The following SP6 variants were observed in gnomAD, a reference collection of about 807,000 sequenced individuals.
SP6 encodes transcription factor Sp6.
SP6 carries 10 observed loss-of-function variants against 23.4 expected under a neutral mutation model. The ratio of observed to expected loss-of-function variants is 0.43; its 90% CI spans 0.26 to 0.72. The LOEUF (loss-of-function observed/expected upper bound fraction) is 0.72, where lower values mean the gene tolerates loss of function less well. Among genes scored for constraint, SP6 ranks in the 30% least tolerant of loss-of-function variants. The pLI is 0.23. For synonymous variants in SP6, 238 were observed against 238.7 expected, an observed-to-expected ratio of 1.00 and a Z score of 0.03; for missense variants, 482 against 523.8, an observed-to-expected ratio of 0.92 and a Z score of 0.78.
upstream of SP6, among the ~76,000 whole-genome samples, chr17:47,858,253 T>C (rs868818502): frequency 2.2e-4 from 33 of 151,916 alleles, 1 homozygote; most frequent in African/African-American, 9.7e-5. Context: ...CCCCTAAAGA[T>C]CCCAGGGCTC....
Position 47,847,078 on chromosome 17 carries a change from A to C in SP6, c.*221T>G. The stretch of plus-strand genomic sequence containing the variant: ...GTGAGGCAGGGGAGAACAGAGGGGC[A>C]TTGCGCAGCTCCTACCGACCCAGTC... On this transcript the variant is annotated 3_prime_UTR_variant, in exon 2 of 2. Coordinates refer to ENST00000536300, the MANE Select transcript of SP6 (RefSeq NM_001258248.2). 5.2e-6 allele frequency: 3 copies of C among 571,884 alleles called. No homozygotes were observed. The highest frequency in any genetic ancestry group is 9.2e-6 in the Non-Finnish European group (3 of 326,342). The allele number at this position is 571,884 out of a possible 1,614,324, so 35.4% of individuals were successfully genotyped here.
the SP6 span, among the ~76,000 whole-genome samples, chr17:47,871,807 G>C: frequency 6.6e-6 from 1 of 152,086 alleles, no homozygotes; most frequent in Non-Finnish European, 1.5e-5. Flanking sequence ...TTTTAGTAGA[G>C]ACGGGGTTTC....
At chr17:47,849,617 C>T (rs974424791) in intron 1 of SP6, among the ~76,000 whole-genome samples, 10 of 152,212 alleles carry the variant, frequency 6.6e-5, no homozygotes, top group African/African-American at 2.4e-4. Context: ...GACTGAATGA[C>T]TTGGCACAGT....
At chr17:47,858,929 C>T (rs2034016924), upstream of SP6, among the ~76,000 whole-genome samples, 1 of 152,022 alleles carries the variant, frequency 6.6e-6, no homozygotes, top group Admixed American at 6.6e-5. Context: ...CACCCACCAT[C>T]ATGCCTGGCT....
the SP6 span, among the ~76,000 whole-genome samples, chr17:47,862,692 AAGATTCGT>A: frequency 6.6e-6 from 1 of 152,192 alleles, no homozygotes; most frequent in Non-Finnish European, 1.5e-5. Flanking sequence ...TCAGAAAACC[AAGATTCGT>A]AGAGGGGAAA....
At position 47,845,079 on chromosome 17, in the gene SP6, G is replaced by A. The variant is rs978852468; in HGVS notation, c.*2220C>T. 6.6e-6 allele frequency: 1 copy of A among 152,272 alleles called. No individual in the cohort carries two copies. Among genetic ancestry groups the A allele is most frequent in the Non-Finnish European group, 1.5e-5 (1 of 68,044 alleles). The allele number at this position is 152,272 out of a possible 1,614,324, so 9.4% of individuals were successfully genotyped here. A position where few individuals can be genotyped will look rare whatever the true frequency, so the allele number is the denominator to read the frequency against. On this transcript the variant is annotated 3_prime_UTR_variant, in exon 2 of 2. Transcript: ENST00000536300. ...CAAGCAGCCTAGATCTATAAAAGAG[G>A]GGAGCAGAAGAAAACCTATCCAAAG...
chr17:47,865,575 A>C, the SP6 span, among the ~76,000 whole-genome samples: 1 of 152,154 alleles, frequency 6.6e-6, no homozygotes, highest in Non-Finnish European at 1.5e-5. Context: ...AGGCCCAGAG[A>C]AGTTAAGAGA....
upstream of SP6, among the ~76,000 whole-genome samples, chr17:47,858,767 CTTTTTTTTTTTT>C (rs36092685): frequency 2.1e-4 from 19 of 92,664 alleles, no homozygotes; most frequent in Non-Finnish European, 1.4e-4. Context: ...GATGAAGCAT[CTTTTTTTTTTTT>C]TTTTTTTTTT....
chr17:47,848,578 A>G lies in SP6; in HGVS notation c.-57-92T>C. 1.4e-6 allele frequency: 1 copy of G among 689,660 alleles called. No homozygotes were observed. Among genetic ancestry groups the G allele is most frequent in the Non-Finnish European group, 2.4e-6 (1 of 416,104 alleles). The allele number at this position is 689,660 out of a possible 1,614,324, so 42.7% of individuals were successfully genotyped here. On this transcript the variant is annotated intron_variant, in intron 1 of 1. Transcript: ENST00000536300. The surrounding 1 kb of genome is among the most constrained non-coding windows in gnomAD (Gnocchi z 5.3). ...CCTCCTCTCTGGCCCCAGGTGTAAA[A>G]GAAGGATGCACCTCTGAACGAGGAC...
the SP6 span, among the ~76,000 whole-genome samples, chr17:47,868,051 C>G: frequency 6.6e-6 from 1 of 152,168 alleles, no homozygotes; most frequent in African/African-American, 2.4e-5. Context: ...CACACATCCT[C>G]TTAGGTCATC....
chr17:47,860,319 C>T (rs2143667695), upstream of SP6, among the ~76,000 whole-genome samples: 4 of 152,336 alleles, frequency 2.6e-5, no homozygotes, highest in African/African-American at 9.6e-5. Context: ...TTGTACTTTT[C>T]TGTGCTCCCA....
the SP6 span, among the ~76,000 whole-genome samples, chr17:47,872,461 G>A: frequency 6.6e-6 from 1 of 152,212 alleles, no homozygotes; most frequent in Non-Finnish European, 1.5e-5. Context: ...TACAGGCCGG[G>A]CGGGGGTGAG....
chr17:47,855,160 A>G (rs867061771), upstream of SP6, among the ~76,000 whole-genome samples: 6 of 152,258 alleles, frequency 3.9e-5, no homozygotes, highest in Middle Eastern at 3.4e-3. Flanking sequence ...TAGAAGATGA[A>G]CCCACCTGAG....
At position 47,847,368 on chromosome 17, in the gene SP6, G is replaced by T. The variant is rs565391163; in HGVS notation, c.1062C>A (p.Gly354=). The change falls in exon 2 of 2, where the codon GGC becomes GGA. Residue 354 remains glycine (G), a synonymous_variant. Coordinates refer to ENST00000536300, the MANE Select transcript of SP6 (RefSeq NM_001258248.2). ...TGCCCCCGGGGGGCTCCACTGCGCC[G>T]CCGGCCTTGCCCTCTCCCGAGGCCG... The part of the protein sequence containing the change: ...AGAASGEGKA[G]GAVEPPGGKG... 2 of 1,608,362 alleles carry T rather than the reference G, an allele frequency of 1.2e-6. No homozygotes were observed. The highest frequency in any genetic ancestry group is 2.2e-5 in the East Asian group (1 of 44,714).
At chr17:47,862,071 G>A in the SP6 span, among the ~76,000 whole-genome samples, 1 of 151,238 alleles carries the variant, frequency 6.6e-6, no homozygotes, top group Admixed American at 6.6e-5. Flanking sequence ...AGCCTGGCAT[G>A]GTGGTGGCTC....
chr17:47,859,065 A>T (rs1244949922), upstream of SP6, among the ~76,000 whole-genome samples: 1 of 152,028 alleles, frequency 6.6e-6, no homozygotes, highest in African/African-American at 2.4e-5. Flanking sequence ...GTGAGATATG[A>T]TGCCTGGCCT....
In SP6 at chr17:47,848,893, T is replaced by C. The variant is rs2033925595; in HGVS notation, c.-57-407A>G. On this transcript the variant is annotated intron_variant, in intron 1 of 1. Coordinates refer to ENST00000536300, the MANE Select transcript of SP6 (RefSeq NM_001258248.2). The surrounding 1 kb of genome is among the most constrained non-coding windows in gnomAD (Gnocchi z 5.3). Reference sequence around the variant, plus strand: ...TGGAGGATCTAGACACATCTCAGCTTCCCCAGTTTAACTCAGGATACAGAT... The same window carrying C: ...TGGAGGATCTAGACACATCTCAGCTCCCCCAGTTTAACTCAGGATACAGAT... Among the ~76,000 whole-genome samples, 1 of 152,036 alleles carries C rather than the reference T, an allele frequency of 6.6e-6. No homozygotes were observed. The highest frequency in any genetic ancestry group is 2.4e-5 in the African/African-American group (1 of 41,374).
upstream of SP6, among the ~76,000 whole-genome samples, chr17:47,858,838 C>T (rs906923620): frequency 4.2e-5 from 6 of 142,004 alleles, no homozygotes; most frequent in East Asian, 4.1e-4. Flanking sequence ...GCAGTGGCGC[C>T]ATCTTGGCTC....
the SP6 span, among the ~76,000 whole-genome samples, chr17:47,870,068 T>C: frequency 6.6e-6 from 1 of 152,172 alleles, no homozygotes; most frequent in Non-Finnish European, 1.5e-5. Flanking sequence ...TGTGTGTGTG[T>C]AGGGGGAAGA....
Sources: gnomAD v4.1 joint callset for allele counts (sites outside exome capture counted in the v4.1 genomes callset) on GRCh38, gnomAD v4.1.1 for gene constraint, Gnocchi (gnomAD v3.1) non-coding constraint, MANE v1.5 for transcripts, NCBI Gene and HGNC (gene_info 2026-07-23, HGNC 2026-07-21) for gene names.